Variants in NBN observed in about 807,000 individuals in gnomAD.
NBN encodes the protein nibrin.
A neutral mutation model predicts 90.8 loss-of-function variants in NBN; 88 were observed. The observed-to-expected ratio is 0.97, with a 90% CI of 0.82 to 1.16. The LOEUF (loss-of-function observed/expected upper bound fraction) is 1.16. Among genes scored for constraint, NBN ranks in the 50% most tolerant of loss-of-function variants. The pLI is 0.00. For synonymous variants in NBN, 328 were observed against 295.1 expected (o/e 1.11, Z -1.14); for missense variants, 894 against 869.6 (o/e 1.03, Z -0.35).
chr8:89,960,712 A>G (rs1048810562), intron 8 of NBN, among the ~76,000 whole-genome samples: 2 of 152,204 alleles, frequency 1.3e-5, no homozygotes, highest in African/African-American at 4.8e-5. Context: ...CAGATTACTT[A>G]CAATTTTCTC....
At chr8:89,983,363 T>C (rs1421688953) in intron 1 of NBN, among the ~76,000 whole-genome samples, 1 of 151,166 alleles carries the variant, frequency 6.6e-6, no homozygotes, top group Non-Finnish European at 1.5e-5. Flanking sequence ...ACCCAGGGGA[T>C]GGAGGTTGCA....
chr8:89,952,219 T>C (rs1452533477), intron 11 of NBN, among the ~76,000 whole-genome samples: 2 of 152,192 alleles, frequency 1.3e-5, no homozygotes, highest in African/African-American at 2.4e-5. Flanking sequence ...TTTAGAATTT[T>C]TAAAAATATC....
At chr8:89,946,058 G>T in intron 13 of NBN, 82 bp downstream of exon 13, 1 of 1,090,546 alleles carries the variant, frequency 9.2e-7, no homozygotes, top group Non-Finnish European at 1.4e-6. Flanking sequence ...AACATAAACT[G>T]CTTTTATCTT....
chr8:89,966,243 T>G (rs887730260), intron 7 of NBN, among the ~76,000 whole-genome samples: 1 of 152,094 alleles, frequency 6.6e-6, no homozygotes, highest in African/African-American at 2.4e-5. Context: ...AAAAGAGGTA[T>G]CAGAGAAATA....
intron 14 of NBN, among the ~76,000 whole-genome samples, chr8:89,939,275 G>A (rs913510719): frequency 2.0e-5 from 3 of 151,816 alleles, no homozygotes; most frequent in African/African-American, 7.3e-5. Flanking sequence ...TGAGATGGCA[G>A]TACAGAACAT....
intron 10 of NBN, among the ~76,000 whole-genome samples, chr8:89,954,141 C>A (rs957049144): frequency 6.6e-6 from 1 of 152,098 alleles, no homozygotes; most frequent in Non-Finnish European, 1.5e-5. Flanking sequence ...CAATACGGTA[C>A]TGACTGTATA....
chr8:89,945,449 T>C (rs1810143172), intron 13 of NBN, among the ~76,000 whole-genome samples: 1 of 152,158 alleles, frequency 6.6e-6, no homozygotes, highest in South Asian at 2.1e-4. Context: ...GAAAAATCTC[T>C]ACTACCTCAC....
At chr8:89,948,522 T>C (rs1334236854) in intron 11 of NBN, among the ~76,000 whole-genome samples, 1 of 152,250 alleles carries the variant, frequency 6.6e-6, no homozygotes, top group East Asian at 1.9e-4. Context: ...GTCTGGATCA[T>C]GTCCTAGACG....
intron 9 of NBN, among the ~76,000 whole-genome samples, chr8:89,958,183 A>G (rs1200419547): frequency 1.3e-5 from 2 of 152,150 alleles, no homozygotes; most frequent in Non-Finnish European, 2.9e-5. Context: ...AATGCAAGCA[A>G]TGGGAGCAGC....
chr8:89,946,193 A>C lies in NBN; in HGVS notation c.2017T>G (p.Ser673Ala), dbSNP rs202198205. The C allele has an allele frequency of 6.2e-7, 1 of 1,603,828 alleles. No individual in the cohort carries two copies. Among genetic ancestry groups the C allele is most frequent in the Non-Finnish European group, 8.5e-7 (1 of 1,171,166 alleles). The change falls in exon 13 of 16, where the codon TCT becomes GCT. Residue 673 changes from serine to alanine, a missense_variant. By Grantham distance (99) the Ser-to-Ala change is moderately conservative. Transcript: ENST00000265433. The part of the protein sequence containing the change: ...VIKNSTSRNP[S>A]GINDDYGQLK... ...TGACCATAATCATCATTTATGCCAGATGGATTTCTGGAAGTAGAGTTTTTA... is the reference window on the plus strand; with the variant it reads ...TGACCATAATCATCATTTATGCCAGCTGGATTTCTGGAAGTAGAGTTTTTA...
intron 5 of NBN, among the ~76,000 whole-genome samples, chr8:89,974,870 G>A (rs1487888775): frequency 1.3e-5 from 2 of 152,178 alleles, no homozygotes; most frequent in African/African-American, 2.4e-5. Flanking sequence ...ATGAATGCAA[G>A]GGACCCATGG....
chr8:89,984,460 C>T (rs1473857494), intron 1 of NBN, 65 bp downstream of exon 1: 19 of 1,478,494 alleles, frequency 1.3e-5, no homozygotes, highest in Admixed American at 1.7e-5. Flanking sequence ...GAATCACCCG[C>T]AGGCCCTCCC....
intron 14 of NBN, 31 bp downstream of exon 14, chr8:89,943,222 A>C (rs771036605): frequency 1.2e-6 from 2 of 1,612,840 alleles, no homozygotes; most frequent in Admixed American, 3.3e-5. Context: ...GTGCAATTTA[A>C]GCAAGTTTCT....
chr8:89,969,788 C>A (rs552280097), intron 7 of NBN, among the ~76,000 whole-genome samples: 6 of 152,018 alleles, frequency 3.9e-5, no homozygotes, highest in Non-Finnish European at 8.8e-5. Context: ...CCCATCTCTA[C>A]TAAAAATACA....
At chr8:89,943,134 T>A (rs1256122335) in intron 14 of NBN, 119 bp downstream of exon 14, 9 of 1,014,788 alleles carry the variant, frequency 8.9e-6, no homozygotes, top group African/African-American at 3.2e-5. Flanking sequence ...GGAATGCTCC[T>A]GAATGAATGA....
At chr8:89,981,932 A>G in intron 2 of NBN, 1 of 1,128,236 alleles carries the variant, frequency 8.9e-7, no homozygotes, top group Non-Finnish European at 1.2e-6. Context: ...ACGAGGTTAT[A>G]GGCTAGTGTT....
chr8:89,984,645 G>T lies in NBN; in HGVS notation c.-84C>A. The T allele has an allele frequency of 3.8e-6, 6 of 1,579,622 alleles. No individual in the cohort carries two copies. The South Asian group carries it at 5.7e-5, about 15-fold the overall frequency. ...GAGCGCGGATACGGCGCCTGCGGTC[G>T]GCATGGGCTCCGGGACGTGCGCGCT... On this transcript the variant is annotated 5_prime_UTR_variant, in exon 1 of 16. Transcript: ENST00000265433.
At chr8:89,976,432 A>C (rs1323227632) in intron 5 of NBN, among the ~76,000 whole-genome samples, 1 of 152,214 alleles carries the variant, frequency 6.6e-6, no homozygotes, top group Non-Finnish European at 1.5e-5. Context: ...AGGTTAGATA[A>C]CGGGATGTTA....
chr8:89,977,544 T>C (rs2129882575), intron 5 of NBN, among the ~76,000 whole-genome samples: 1 of 152,324 alleles, frequency 6.6e-6, no homozygotes, highest in South Asian at 2.1e-4. Context: ...TATGTGTGCA[T>C]GTGTCTTTAC....
Sources: gnomAD v4.1 joint callset for allele counts (sites outside exome capture counted in the v4.1 genomes callset) on GRCh38, gnomAD v4.1.1 for gene constraint, MANE v1.5 for transcripts, NCBI Gene and HGNC (gene_info 2026-07-23, HGNC 2026-07-21) for gene names.